The following GLDC variants were observed in gnomAD, a reference collection of about 807,000 sequenced individuals.
GLDC encodes the protein glycine dehydrogenase (decarboxylating), mitochondrial.
Under a neutral mutation model 121.3 loss-of-function variants are expected in GLDC, and 104 were observed. The observed-to-expected ratio is 0.86, with a 90% CI of 0.73 to 1.01. GLDC has a LOEUF of 1.01. Among genes scored for constraint, GLDC ranks in the 50% least tolerant of loss-of-function variants. The probability of loss-of-function intolerance (pLI) is 0.00; values close to 1 mark genes in which losing one functional copy is unlikely to be tolerated. For missense variants in GLDC, 1,429 were observed against 1,306.6 expected (o/e 1.09, Z -1.44); for synonymous variants, 546 against 480.6 (o/e 1.14, Z -1.78).
chr9:6,564,394 G>C (rs1817815346), intron 16 of GLDC, among the ~76,000 whole-genome samples: 1 of 152,128 alleles, frequency 6.6e-6, no homozygotes, highest in East Asian at 1.9e-4. Flanking sequence ...AACACTTTCA[G>C]CATTCTTTAT....
chr9:6,596,017 G>A (rs934020523), intron 8 of GLDC, among the ~76,000 whole-genome samples: 3 of 152,178 alleles, frequency 2.0e-5, no homozygotes, highest in South Asian at 2.1e-4. Context: ...AGGCATTCTT[G>A]TACTAAAAGT....
chr9:6,591,457 G>A (rs1398129367), intron 11 of GLDC, among the ~76,000 whole-genome samples: 3 of 151,912 alleles, frequency 2.0e-5, no homozygotes, highest in Non-Finnish European at 2.9e-5. Flanking sequence ...GTGTCTTCAG[G>A]GCCTAGCATA....
At chr9:6,591,560 C>T (rs1455664384) in intron 11 of GLDC, among the ~76,000 whole-genome samples, 1 of 152,118 alleles carries the variant, frequency 6.6e-6, no homozygotes, top group Non-Finnish European at 1.5e-5. Context: ...AAATGTCTTG[C>T]ATCTTTGTAG....
chr9:6,618,628 C>T (rs1027956190), intron 3 of GLDC, among the ~76,000 whole-genome samples: 4 of 152,064 alleles, frequency 2.6e-5, no homozygotes, highest in African/African-American at 4.8e-5. Flanking sequence ...TTACATCATA[C>T]AGCAAACAGC....
At chr9:6,592,449 T>C (rs1395097187) in intron 10 of GLDC, among the ~76,000 whole-genome samples, 2 of 152,226 alleles carry the variant, frequency 1.3e-5, no homozygotes, top group African/African-American at 2.4e-5. Context: ...TAACATTCCA[T>C]GGCTGCAGGA....
At chr9:6,611,551 G>C (rs1191551689) in intron 3 of GLDC, among the ~76,000 whole-genome samples, 2 of 81,234 alleles carry the variant, frequency 2.5e-5, no homozygotes, top group Non-Finnish European at 5.9e-5. Flanking sequence ...GCAAGACTCC[G>C]TCTCAAAAAA....
At chr9:6,555,450 C>G (rs1004324152) in intron 18 of GLDC, among the ~76,000 whole-genome samples, 45 of 151,384 alleles carry the variant, frequency 3.0e-4, no homozygotes, top group African/African-American at 2.2e-4. Flanking sequence ...GAATGAGAAC[C>G]AAAGAAAGGC....
At position 6,553,918 on chromosome 9, in the gene GLDC, G is replaced by A. The variant is rs144890090; in HGVS notation, c.2316-409C>T. ...CATTCTCCCCACCTCCCTGACAGCT[G>A]AAGCACTGGAGCTCACACATTTACT... On this transcript the variant is annotated intron_variant, in intron 19 of 24. Transcript: ENST00000321612. Among the ~76,000 whole-genome samples the A allele has an allele frequency of 4.9e-3, 748 of 152,066 alleles. 4 individuals carry two copies. Among genetic ancestry groups the A allele is most frequent in the Non-Finnish European group, 8.5e-3 (576 of 68,000 alleles).
At chr9:6,600,461 G>C (rs1818582662) in intron 8 of GLDC, among the ~76,000 whole-genome samples, 1 of 151,804 alleles carries the variant, frequency 6.6e-6, no homozygotes, top group Admixed American at 6.6e-5. Flanking sequence ...ACCATCACTT[G>C]AGGTCAGGCG....
rs1817223351 is a variant in GLDC, at chr9:6,540,096, C to T, written c.2620G>A (p.Ala874Thr). ...GCCACATCCACAGCCTCAATATTTG[C>T]AGACTTTTTGAAGGGTCTCGTGTCC... Reference protein sequence around the residue: ...ILDTRPFKKSANIEAVDVAKR... With the variant: ...ILDTRPFKKSTNIEAVDVAKR... The change falls in exon 22 of 25, where the codon GCA (alanine) becomes ACA (threonine). Residue 874 changes from alanine to threonine, a missense_variant. Ala to Thr is a moderately conservative substitution (Grantham distance 58, BLOSUM62 0). Transcript: ENST00000321612. The T allele has an allele frequency of 6.2e-7, 1 of 1,613,722 alleles. No individual in the cohort carries two copies. The highest frequency in any genetic ancestry group is 8.5e-7 in the Non-Finnish European group (1 of 1,179,614).
Position 6,592,946 on chromosome 9 carries a change from C to T in GLDC, c.1306G>A (p.Asp436Asn), listed in dbSNP as rs1230188107. 1 of 1,613,990 alleles carries T rather than the reference C, an allele frequency of 6.2e-7. No individual in the cohort carries two copies. The highest frequency in any genetic ancestry group is 8.5e-7 in the Non-Finnish European group (1 of 1,179,952). Residue 436 changes from aspartate to asparagine, a missense_variant, in exon 10 of 25, where the codon GAT (aspartate) becomes AAT (asparagine). By Grantham distance (23) the Asp-to-Asn change is conservative (BLOSUM62 1). Transcript: ENST00000321612. Reference protein sequence around the residue: ...GHQLQHDLFFDTLKIQCGCSV... With the variant: ...GHQLQHDLFFNTLKIQCGCSV... ...CAGCCACACTGAATCTTCAAGGTAT[C>T]AAAGAACAGGTCATGCTGGAGTTGA... is the stretch of plus-strand genomic sequence containing the variant.
intron 15 of GLDC, among the ~76,000 whole-genome samples, chr9:6,579,821 C>G (rs1451117231): frequency 6.6e-6 from 1 of 152,222 alleles, no homozygotes; most frequent in East Asian, 1.9e-4. Context: ...TCTGAGCACT[C>G]TCCCTGTGCT....
At chr9:6,565,510 C>G (rs1363277718) in intron 15 of GLDC, 81 bp from the exon 16 acceptor site, 13 of 1,046,986 alleles carry the variant, frequency 1.2e-5, no homozygotes, top group Non-Finnish European at 2.0e-5. Flanking sequence ...GGGCCCTGGC[C>G]AGGGGTTCAC....
intron 2 of GLDC, among the ~76,000 whole-genome samples, chr9:6,637,766 C>G (rs1819537171): frequency 6.6e-6 from 1 of 151,994 alleles, no homozygotes; most frequent in Non-Finnish European, 1.5e-5. Context: ...TGTGCCCAGC[C>G]AAGACTGAGA....
intron 15 of GLDC, among the ~76,000 whole-genome samples, chr9:6,585,868 G>GTATCTATCTATC (rs1214635048): frequency 6.4e-4 from 75 of 116,460 alleles, no homozygotes; most frequent in African/African-American, 2.0e-3. Flanking sequence ...ATGTATGTAT[G>GTATCTATCTATC]TATCTATCTA....
At chr9:6,566,084 G>C (rs1817849961) in intron 15 of GLDC, among the ~76,000 whole-genome samples, 1 of 152,066 alleles carries the variant, frequency 6.6e-6, no homozygotes, top group Admixed American at 6.6e-5. Context: ...TCCACTAAAA[G>C]TACAAAAAAT....
chr9:6,547,375 G>A (rs1817416395), intron 21 of GLDC, among the ~76,000 whole-genome samples: 1 of 152,136 alleles, frequency 6.6e-6, no homozygotes, highest in African/African-American at 2.4e-5. Flanking sequence ...GGGAAACATT[G>A]AGCGCATTGG....
intron 2 of GLDC, among the ~76,000 whole-genome samples, chr9:6,628,016 A>C (rs1381866344): frequency 6.6e-6 from 1 of 152,208 alleles, no homozygotes; most frequent in Non-Finnish European, 1.5e-5. Context: ...AAGACAGAAA[A>C]GTCCATGATC....
chr9:6,542,681 T>C (rs1158707551), intron 21 of GLDC, among the ~76,000 whole-genome samples: 1 of 150,956 alleles, frequency 6.6e-6, no homozygotes, highest in East Asian at 1.9e-4. Context: ...AGCCCAGGAG[T>C]TTGAGACCAG....
Sources: allele counts gnomAD v4.1 joint callset (sites outside exome capture counted in the v4.1 genomes callset), GRCh38; gene constraint gnomAD v4.1.1; transcripts MANE v1.5; gene names NCBI Gene and HGNC (gene_info 2026-07-23, HGNC 2026-07-21).